Variants in KRT76 observed in about 807,000 individuals in gnomAD.
KRT76 encodes keratin 76, also known as keratin, type II cytoskeletal 2 oral.
Under a neutral mutation model 44.9 loss-of-function variants are expected in KRT76, and 47 were observed. The ratio of observed to expected loss-of-function variants is 1.05; its 90% confidence interval spans 0.83 to 1.33. The LOEUF is 1.33. Among genes scored for constraint, KRT76 ranks in the 40% most tolerant of loss-of-function variants. KRT76 has a pLI of 0.00. For missense variants in KRT76, 860 were observed against 775.8 expected, an observed-to-expected ratio of 1.11 and a Z score of -1.29; for synonymous variants, 331 against 294.1, an observed-to-expected ratio of 1.13 and a Z score of -1.28.
In KRT76 at chr12:52,774,963, G is replaced by C. The variant is rs138318755; in HGVS notation, c.815+425C>G. On this transcript the variant is annotated intron_variant, in intron 2 of 8. Coordinates refer to ENST00000332411, the MANE Select transcript of KRT76 (RefSeq NM_015848.4). Reference sequence around the variant, plus strand: ...TTACCAAGTGCAGCCCTGGACCTCTGCCTAGAATCCCCAGGAGCTAGGGGA... The same window carrying C: ...TTACCAAGTGCAGCCCTGGACCTCTCCCTAGAATCCCCAGGAGCTAGGGGA... 1.9e-3 allele frequency among the ~76,000 whole-genome samples: 284 copies of C among 152,278 alleles called. 1 individual carries two copies. Among genetic ancestry groups the C allele is most frequent in the African/African-American group, 6.5e-3 (271 of 41,550 alleles).
At chr12:52,776,455 C>T (rs1184448334) in intron 1 of KRT76, among the ~76,000 whole-genome samples, 3 of 152,044 alleles carry the variant, frequency 2.0e-5, no homozygotes, top group Non-Finnish European at 4.4e-5. Flanking sequence ...CTTCATTTAC[C>T]CTCATCTCAT....
chr12:52,772,578 G>A (rs1191072370), intron 4 of KRT76, among the ~76,000 whole-genome samples: 1 of 152,180 alleles, frequency 6.6e-6, no homozygotes, highest in Non-Finnish European at 1.5e-5. Context: ...CCAGAGAGAA[G>A]GTGCAGAGCA....
chr12:52,772,113 T>C lies in KRT76; in HGVS notation c.1118A>G (p.Glu373Gly), dbSNP rs752289344. 6.2e-6 allele frequency: 10 copies of C among 1,611,506 alleles called. No individual in the cohort carries two copies. In the South Asian group the frequency reaches 1.0e-4, roughly 16 times the overall value. Residue 373 changes from glutamate (E) to glycine (G), a missense_variant, in exon 5 of 9, where the codon GAG (glutamate) becomes GGG (glycine). By Grantham distance (98) the Glu-to-Gly change is moderately conservative (BLOSUM62 -2). Coordinates refer to ENST00000332411, the MANE Select transcript of KRT76 (RefSeq NM_015848.4). ...TCCCACCTTGGTCTGGTACAGGGCC[T>C]CAGCTTCAGACTTGCTCCTCTGGGC... is the stretch of plus-strand genomic sequence containing the variant. Reference protein sequence around the residue: ...EIAQRSKSEAEALYQTKLGEL... With the variant: ...EIAQRSKSEAGALYQTKLGEL...
chr12:52,769,858 C>T (rs1939152861), intron 7 of KRT76, among the ~76,000 whole-genome samples: 1 of 152,188 alleles, frequency 6.6e-6, no homozygotes, highest in Non-Finnish European at 1.5e-5. Context: ...CCTTGATTGG[C>T]CTGTCCCCAC....
rs760794626 is a variant in KRT76, at chr12:52,773,651, AG to A, written c.816-10del. The A allele has an allele frequency of 7.3e-5, 117 of 1,611,720 alleles. No individual in the cohort carries two copies. The highest frequency in any genetic ancestry group is 9.6e-5 in the Non-Finnish European group (113 of 1,178,168). ...TGATTTCATCTTCATACCTGGAACA[AG>A]AAGAGGCACACATTTGAACACTGGC... On this transcript the variant is annotated splice_polypyrimidine_tract_variant and intron_variant, in intron 2 of 8. Transcript: ENST00000332411.
rs61730593 is a variant in KRT76, at chr12:52,777,063, G to A, written c.229C>T (p.Arg77Trp). 8.2e-5 allele frequency: 132 copies of A among 1,614,098 alleles called. No homozygotes were observed. In the African/African-American group the frequency reaches 1.3e-3, roughly 16 times the overall value. Residue 77 changes from arginine (R) to tryptophan (W), a missense_variant, in exon 1 of 9, where the codon CGG becomes TGG. Transcript: ENST00000332411. ...CGCCCTCCCCCAAAGCCTCCAGCCC[G>A]GGAGCTGCCAGCTGCCACGCTGATG... Reference protein sequence around the residue: ...ISISVAAGSSRAGGFGGGRSS... With the variant: ...ISISVAAGSSWAGGFGGGRSS...
At position 52,772,828 on chromosome 12, in the gene KRT76, G is replaced by T; in HGVS notation, c.927C>A (p.Asp309Glu). 6.2e-7 allele frequency: 1 copy of T among 1,614,146 alleles called. No individual in the cohort carries two copies. Among genetic ancestry groups the T allele is most frequent in the Non-Finnish European group, 8.5e-7 (1 of 1,179,974 alleles). The change falls in exon 4 of 9, where the codon GAC (aspartate) becomes GAA (glutamate). Residue 309 changes from aspartate (D) to glutamate (E), a missense_variant. Transcript: ENST00000332411. ...GGAAGCTGACTTCATCTGTCAGGCTGTCCACTTTGGCCTGCAGCTCCACCT... is the reference window on the plus strand; with the variant it reads ...GGAAGCTGACTTCATCTGTCAGGCTTTCCACTTTGGCCTGCAGCTCCACCT... ...MNKVELQAKVDSLTDEVSFLR... is the reference protein window; with the variant it reads ...MNKVELQAKVESLTDEVSFLR...
At chr12:52,774,377 C>T (rs1226463337) in intron 2 of KRT76, among the ~76,000 whole-genome samples, 1 of 152,186 alleles carries the variant, frequency 6.6e-6, no homozygotes, top group Non-Finnish European at 1.5e-5. Context: ...GAAATGTGTG[C>T]TCTCATTGGG....
At chr12:52,775,126 A>C (rs938418195) in intron 2 of KRT76, among the ~76,000 whole-genome samples, 5 of 152,136 alleles carry the variant, frequency 3.3e-5, no homozygotes, top group African/African-American at 1.2e-4. Flanking sequence ...ATCCTAAAGG[A>C]TTCTAAACTC....
At chr12:52,774,849 C>A (rs1375331189) in intron 2 of KRT76, among the ~76,000 whole-genome samples, 1 of 152,166 alleles carries the variant, frequency 6.6e-6, no homozygotes, top group African/African-American at 2.4e-5. Context: ...CAGACCTCAG[C>A]GGATATGGAC....
In KRT76 at chr12:52,768,707, A is replaced by C. The variant is rs1394761531; in HGVS notation, c.*6T>G. On this transcript the variant is annotated 3_prime_UTR_variant, in exon 9 of 9. Transcript: ENST00000332411. ...GCAGGTGGTTATAGAGATTTGGAAC[A>C]GTAGATCACTTGGTGGAGCTATGCT... The C allele has an allele frequency of 1.3e-6, 2 of 1,585,830 alleles. No homozygotes were observed. Among genetic ancestry groups the C allele is most frequent in the East Asian group, 4.5e-5 (2 of 44,208 alleles).
At chr12:52,773,718 C>G in intron 2 of KRT76, 76 bp from the exon 3 acceptor site, 2 of 1,244,436 alleles carry the variant, frequency 1.6e-6, no homozygotes, top group Non-Finnish European at 2.3e-6. Context: ...TCCAGGCACT[C>G]TCCTCACCTG....
At chr12:52,769,518 A>G in intron 8 of KRT76, 31 bp downstream of exon 8, 2 of 1,601,344 alleles carry the variant, frequency 1.2e-6, no homozygotes, top group Non-Finnish European at 1.7e-6. Flanking sequence ...TTTACAACCC[A>G]GGGAGAGGGT....
intron 3 of KRT76, among the ~76,000 whole-genome samples, 159 bp from the exon 4 acceptor site, chr12:52,773,037 CT>C (rs1360089643): frequency 6.6e-6 from 1 of 152,188 alleles, no homozygotes; most frequent in East Asian, 1.9e-4. Flanking sequence ...ATCAAAATGG[CT>C]TTCTTCCTTT....
At chr12:52,770,887 C>G (rs745880550) in intron 7 of KRT76, 112 bp downstream of exon 7, 139 of 1,379,172 alleles carry the variant, frequency 1.0e-4, no homozygotes, top group Non-Finnish European at 1.3e-4. Context: ...ATTCAAGACA[C>G]TCCTTGCCCT....
chr12:52,774,063 C>T (rs1939226380), intron 2 of KRT76, among the ~76,000 whole-genome samples: 2 of 152,250 alleles, frequency 1.3e-5, no homozygotes, highest in African/African-American at 2.4e-5. Context: ...AACTGTTGGG[C>T]TCAAGTGATT....
Position 52,775,605 on chromosome 12 carries a change from G to C in KRT76, c.601-3C>G. On this transcript the variant is annotated splice_polypyrimidine_tract_variant and splice_region_variant and intron_variant, in intron 1 of 8. Transcript: ENST00000332411. ...TTCTGCTGTTCCAGGAACCGCACCT[G>C]CATGAAAGAGGGGAGAAAAGGAGTC... is the stretch of plus-strand genomic sequence containing the variant. 6.2e-7 allele frequency: 1 copy of C among 1,612,070 alleles called. No individual in the cohort carries two copies. Among genetic ancestry groups the C allele is most frequent in the Non-Finnish European group, 8.5e-7 (1 of 1,179,144 alleles).
At chr12:52,770,337 A>C (rs1445319147) in intron 7 of KRT76, among the ~76,000 whole-genome samples, 2 of 152,244 alleles carry the variant, frequency 1.3e-5, no homozygotes, top group African/African-American at 4.8e-5. Flanking sequence ...CCCTGAGCAC[A>C]TGATGCATTG....
In KRT76 at chr12:52,772,020, C is replaced by T. The variant is rs754641317; in HGVS notation, c.1138-24G>A. 28 of 1,611,494 alleles carry T rather than the reference C, an allele frequency of 1.7e-5. No individual in the cohort carries two copies. The South Asian group carries it at 1.9e-4, about 11-fold the overall frequency. On this transcript the variant is annotated intron_variant, in intron 5 of 8. Coordinates refer to ENST00000332411, the MANE Select transcript of KRT76 (RefSeq NM_015848.4). ...AGCTGACAGAGGAAAAACCAATCAA[C>T]GTGGCTTTTGCAAAGTGTTGGCACA...
Sources: gnomAD v4.1 joint callset for allele counts (sites outside exome capture counted in the v4.1 genomes callset) on GRCh38, gnomAD v4.1.1 for gene constraint, MANE v1.5 for transcripts, NCBI Gene and HGNC (gene_info 2026-07-23, HGNC 2026-07-21) for gene names.